AMMECR1L: variants seen among roughly 807,000 people sequenced by gnomAD.
AMMECR1L encodes AMMECR1 like.
AMMECR1L carries 4 observed loss-of-function variants against 36.8 expected under a neutral mutation model. That is an observed-to-expected ratio of 0.11 (90% confidence interval 0.05 to 0.25). The LOEUF (loss-of-function observed/expected upper bound fraction) is 0.25. Ranked by LOEUF, AMMECR1L falls within the 10% of genes least tolerant of loss-of-function variation. AMMECR1L has a pLI of 1.00. For synonymous variants in AMMECR1L, 147 were observed against 148.0 expected, an observed-to-expected ratio of 0.99 and a Z score of 0.05; for missense variants, 232 against 392.1, an observed-to-expected ratio of 0.59 and a Z score of 3.45.
chr2:127,865,142 G>C lies in AMMECR1L; in HGVS notation c.885C>G (p.Phe295Leu). 1.2e-6 allele frequency: 2 copies of C among 1,613,928 alleles called. No homozygotes were observed. The highest frequency in any genetic ancestry group is 1.7e-6 in the Non-Finnish European group (2 of 1,179,940). ...GCGGGGCATGAAGAGTGCCGTTCTGGAAACAGTGCTGTCGGGAAGCAATAT... is the reference window on the plus strand; with the variant it reads ...GCGGGGCATGAAGAGTGCCGTTCTGCAAACAGTGCTGTCGGGAAGCAATAT... ...AEYIASRQHC[F>L]QNGTLHAPPL... Residue 295 changes from phenylalanine to leucine, a missense_variant, in exon 8 of 8, where the codon TTC (phenylalanine) becomes TTG (leucine). Physicochemically the swap from Phe to Leu is conservative, Grantham distance 22 (BLOSUM62 0). This residue lies in a region of AMMECR1L where 40 missense variants were observed against 34.5 expected (regional missense o/e 1.16). Coordinates refer to ENST00000272647, the MANE Select transcript of AMMECR1L (RefSeq NM_001199140.2). The surrounding 1 kb of genome is among the most constrained non-coding windows in gnomAD (Gnocchi z 5.4).
rs1691126422 is a variant in AMMECR1L at position 127,874,308 on chromosome 2, G to A, written c.-38-36C>T. On this transcript the variant is annotated intron_variant, in intron 2 of 7. Transcript: ENST00000272647. The surrounding 1 kb of genome is among the most constrained non-coding windows in gnomAD (Gnocchi z 5.2). ...TGAGAAGTTAAGCATTAATTTGACT[G>A]GTTAGTTAAAAGGAGAGGAAAAAAC... The A allele has an allele frequency of 8.4e-6, 13 of 1,554,612 alleles. No homozygotes were observed. Among genetic ancestry groups the A allele is most frequent in the Non-Finnish European group, 1.1e-5 (13 of 1,152,456 alleles).
At chr2:127,880,248 A>G (rs1417644312) in intron 2 of AMMECR1L, among the ~76,000 whole-genome samples, 1 of 152,232 alleles carries the variant, frequency 6.6e-6, no homozygotes, top group Non-Finnish European at 1.5e-5. Flanking sequence ...TTACTTGCAC[A>G]AAGCTCAGCT....
In AMMECR1L at chr2:127,871,185, A is replaced by C. The variant is rs553362113; in HGVS notation, c.518+64T>G. 4 of 1,527,530 alleles carry C rather than the reference A, an allele frequency of 2.6e-6. No homozygotes were observed. In the East Asian group the frequency reaches 6.8e-5, roughly 26 times the overall value. 94.6% of individuals were successfully genotyped at this position (1,527,530 alleles called of 1,614,324 possible). A position where few individuals can be genotyped will look rare whatever the true frequency, so the allele number is the denominator to read the frequency against. ...AACGTACATCACTTAGAAGAAATAA[A>C]GTCAGGCAGCTATTTCTGATTCTAG... On this transcript the variant is annotated intron_variant, in intron 4 of 7. Coordinates refer to ENST00000272647, the MANE Select transcript of AMMECR1L (RefSeq NM_001199140.2). The surrounding 1 kb of genome is among the most constrained non-coding windows in gnomAD (Gnocchi z 4.3).
chr2:127,863,785 T>C lies in AMMECR1L; in HGVS notation c.*1309A>G, dbSNP rs1201177163. 1 of 152,652 alleles carries C rather than the reference T, an allele frequency of 6.6e-6. No homozygotes were observed. Among genetic ancestry groups the C allele is most frequent in the Non-Finnish European group, 1.5e-5 (1 of 68,040 alleles). The allele number at this position is 152,652 out of a possible 1,614,324, so 9.5% of individuals were successfully genotyped here. On this transcript the variant is annotated 3_prime_UTR_variant, in exon 8 of 8. Transcript: ENST00000272647. ...AAGCATCTTCCAAGTCCCCTAGTTC[T>C]ATGAACTTTGCCACCAAATGAGTGA... is the stretch of plus-strand genomic sequence containing the variant.
Position 127,871,210 on chromosome 2 carries a change from G to C in AMMECR1L, c.518+39C>G, listed in dbSNP as rs377146981. 124 of 1,593,664 alleles carry C rather than the reference G, an allele frequency of 7.8e-5. No individual in the cohort carries two copies. Among genetic ancestry groups the C allele is most frequent in the Non-Finnish European group, 8.9e-5 (104 of 1,162,758 alleles). On this transcript the variant is annotated intron_variant, in intron 4 of 7. Coordinates refer to ENST00000272647, the MANE Select transcript of AMMECR1L (RefSeq NM_001199140.2). This position sits in a 1 kb window ranked among gnomAD's most constrained non-coding sequence, Gnocchi z 4.3. ...AGTCAGGCAGCTATTTCTGATTCTA[G>C]CCAATTTATCTACAGTTCTTAATGT...
chr2:127,867,624 T>C (rs1690750132), intron 6 of AMMECR1L, among the ~76,000 whole-genome samples: 1 of 152,102 alleles, frequency 6.6e-6, no homozygotes, highest in South Asian at 2.1e-4. Context: ...GATGCGCCTG[T>C]AGTCCCAGCT....
At chr2:127,878,452 C>CAAA (rs1440222216) in intron 2 of AMMECR1L, among the ~76,000 whole-genome samples, 322 of 152,308 alleles carry the variant, frequency 2.1e-3, no homozygotes, top group Non-Finnish European at 2.9e-3. Flanking sequence ...AAAAACCTTT[C>CAAA]ATCATTCTCA....
rs759709875 is a variant in AMMECR1L, at chr2:127,865,067, G to A, written c.*27C>T. ...GTCATAGCCATTGGTGGCCACGGGGGGGTGGGACTGGTCATGCAGCCGTGT... is the reference window on the plus strand; with the variant it reads ...GTCATAGCCATTGGTGGCCACGGGGAGGTGGGACTGGTCATGCAGCCGTGT... On this transcript the variant is annotated 3_prime_UTR_variant, in exon 8 of 8. Transcript: ENST00000272647. This position sits in a 1 kb window ranked among gnomAD's most constrained non-coding sequence, Gnocchi z 5.4. 6.4e-7 allele frequency: 1 copy of A among 1,555,534 alleles called. No individual in the cohort carries two copies. The highest frequency in any genetic ancestry group is 8.9e-7 in the Non-Finnish European group (1 of 1,128,490).
At position 127,874,826 on chromosome 2, in the gene AMMECR1L, A is replaced by C. The variant is rs768148872; in HGVS notation, c.-38-554T>G. Among the ~76,000 whole-genome samples the C allele has an allele frequency of 7.5e-4, 114 of 152,202 alleles. 3 individuals carry two copies. The highest frequency in any genetic ancestry group is 1.6e-4 in the Non-Finnish European group (11 of 68,042). ...AGTTGGCTGTCACTCTGAAGAGGGCACATCTTCTAACACAAGGCTCCCACC... is the reference window on the plus strand; with the variant it reads ...AGTTGGCTGTCACTCTGAAGAGGGCCCATCTTCTAACACAAGGCTCCCACC... On this transcript the variant is annotated intron_variant, in intron 2 of 7. Transcript: ENST00000272647. The surrounding 1 kb of genome is among the most constrained non-coding windows in gnomAD (Gnocchi z 5.2).
At chr2:127,885,709 C>T (rs997823773) in intron 1 of AMMECR1L, 101 bp downstream of exon 1, 2 of 980,378 alleles carry the variant, frequency 2.0e-6, no homozygotes, top group Non-Finnish European at 2.4e-6. Flanking sequence ...CCCCGCCGCC[C>T]GCCCCGGCGA....
chr2:127,867,902 C>T (rs760708836), intron 6 of AMMECR1L, among the ~76,000 whole-genome samples: 1 of 152,158 alleles, frequency 6.6e-6, no homozygotes, highest in Non-Finnish European at 1.5e-5. Context: ...GACAGGTTCT[C>T]ACTCCTGTCA....
intron 6 of AMMECR1L, among the ~76,000 whole-genome samples, chr2:127,867,937 A>G (rs1337121854): frequency 6.6e-6 from 1 of 152,158 alleles, no homozygotes; most frequent in Non-Finnish European, 1.5e-5. Flanking sequence ...CAGTGGCGCA[A>G]TATTGGCTCA....
Position 127,865,152 on chromosome 2 carries a change from T to C in AMMECR1L, c.875A>G (p.Gln292Arg). ...AAGAGTGCCGTTCTGGAAACAGTGC[T>C]GTCGGGAAGCAATATACTCTGCGTA... is the stretch of plus-strand genomic sequence containing the variant. Reference protein sequence around the residue: ...ISYAEYIASRQHCFQNGTLHA... With the variant: ...ISYAEYIASRRHCFQNGTLHA... Residue 292 changes from glutamine (Q) to arginine (R), a missense_variant, in exon 8 of 8, where the codon CAG becomes CGG. Transcript: ENST00000272647. The surrounding 1 kb of genome is among the most constrained non-coding windows in gnomAD (Gnocchi z 5.4). 6.2e-7 allele frequency: 1 copy of C among 1,614,022 alleles called. No individual in the cohort carries two copies. Among genetic ancestry groups the C allele is most frequent in the Non-Finnish European group, 8.5e-7 (1 of 1,179,964 alleles).
chr2:127,877,274 A>G (rs1237690819), intron 2 of AMMECR1L, among the ~76,000 whole-genome samples: 1 of 151,664 alleles, frequency 6.6e-6, no homozygotes, highest in Non-Finnish European at 1.5e-5. Context: ...AACAAGGCAG[A>G]TGATGCTACC....
chr2:127,876,183 T>A (rs1039854775), intron 2 of AMMECR1L, among the ~76,000 whole-genome samples: 2 of 151,528 alleles, frequency 1.3e-5, no homozygotes, highest in Non-Finnish European at 2.9e-5. Context: ...ACCCAGTCTC[T>A]ACAAAAAATA....
chr2:127,873,392 C>T lies in AMMECR1L; in HGVS notation c.407+436G>A. 3.0e-6 allele frequency: 3 copies of T among 985,416 alleles called. No individual in the cohort carries two copies. Among genetic ancestry groups the T allele is most frequent in the Non-Finnish European group, 3.6e-6 (3 of 829,916 alleles). The allele number at this position is 985,416 out of a possible 1,614,324, so 61.0% of individuals were successfully genotyped here. A position where few individuals can be genotyped will look rare whatever the true frequency, so the allele number is the denominator to read the frequency against. On this transcript the variant is annotated intron_variant, in intron 3 of 7. Transcript: ENST00000272647. This position sits in a 1 kb window ranked among gnomAD's most constrained non-coding sequence, Gnocchi z 5.2. ...ATTTCTCATGAACAAAGTGAGGGGACCCCTGTTAACCAAATCGCAGATCCC... is the reference window on the plus strand; with the variant it reads ...ATTTCTCATGAACAAAGTGAGGGGATCCCTGTTAACCAAATCGCAGATCCC...
In AMMECR1L at chr2:127,865,393, A is replaced by ATTT. The variant is rs1690638567; in HGVS notation, c.822-189_822-188insAAA. ...AATGTTGTTATTACAAATGAACAAG[A>ATTT]TGAAAAAGCACAATCACAATTCCCC... On this transcript the variant is annotated intron_variant, in intron 7 of 7. Coordinates refer to ENST00000272647, the MANE Select transcript of AMMECR1L (RefSeq NM_001199140.2). This position sits in a 1 kb window ranked among gnomAD's most constrained non-coding sequence, Gnocchi z 5.4. Among the ~76,000 whole-genome samples, 1 of 152,272 alleles carries ATTT rather than the reference A, an allele frequency of 6.6e-6. No individual in the cohort carries two copies. The highest frequency in any genetic ancestry group is 2.4e-5 in the African/African-American group (1 of 41,480).
intron 2 of AMMECR1L, among the ~76,000 whole-genome samples, chr2:127,879,951 A>T (rs1356706893): frequency 6.6e-6 from 1 of 152,202 alleles, no homozygotes; most frequent in African/African-American, 2.4e-5. Context: ...AAACTTTATA[A>T]AAACTACCAA....
In AMMECR1L at chr2:127,881,713, T is replaced by C. The variant is rs139361185; in HGVS notation, c.-39+2490A>G. Reference sequence around the variant, plus strand: ...TACTTCCCTACCCCACTGATAAAAGTAGCGTTGGTTATAAAAATAACACAG... The same window carrying C: ...TACTTCCCTACCCCACTGATAAAAGCAGCGTTGGTTATAAAAATAACACAG... On this transcript the variant is annotated intron_variant, in intron 2 of 7. Transcript: ENST00000272647. 2.8e-3 allele frequency among the ~76,000 whole-genome samples: 422 copies of C among 152,338 alleles called. 1 individual carries two copies. Among genetic ancestry groups the C allele is most frequent in the Non-Finnish European group, 4.9e-3 (332 of 68,024 alleles).
Sources: allele counts gnomAD v4.1 joint callset (sites outside exome capture counted in the v4.1 genomes callset), GRCh38; gene constraint gnomAD v4.1.1; regional missense constraint gnomAD v4.1.1; non-coding constraint Gnocchi (gnomAD v3.1); transcripts MANE v1.5; gene names NCBI Gene and HGNC (gene_info 2026-07-23, HGNC 2026-07-21).